QTGAL: variants seen among roughly 807,000 people sequenced by gnomAD.
QTGAL encodes the protein queuosine-tRNA galactosyltransferase.
At chr17:82,979,439 A>G in the QTGAL span, 4 of 152,248 alleles carry the variant, frequency 2.6e-5, no homozygotes, top group African/African-American at 9.6e-5. Flanking sequence ...TAGAGTCTGA[A>G]CAGTCCTGTA....
At chr17:82,970,557 C>A in the QTGAL span, among the ~76,000 whole-genome samples, 9,284 of 88,670 alleles carry the variant, frequency 0.1, 878 homozygotes, top group East Asian at 0.16. Context: ...CCCGGCGTGG[C>A]CGCGACCTCC....
At chr17:82,950,373 A>T in the QTGAL span, among the ~76,000 whole-genome samples, 1 of 152,194 alleles carries the variant, frequency 6.6e-6, no homozygotes, top group Admixed American at 6.5e-5. Flanking sequence ...GAGAATTACC[A>T]CAAGGAGACG....
At chr17:82,950,982 A>G in the QTGAL span, among the ~76,000 whole-genome samples, 331 of 152,308 alleles carry the variant, frequency 2.2e-3, 1 homozygote, top group African/African-American at 7.6e-3. Context: ...ACTGCCTTCA[A>G]CTTAACCCAT....
the QTGAL span, among the ~76,000 whole-genome samples, chr17:83,023,431 C>T: frequency 1.3e-5 from 2 of 152,284 alleles, no homozygotes; most frequent in Admixed American, 1.3e-4. Flanking sequence ...GCAGCAGATT[C>T]TATACAGCTG....
the QTGAL span, among the ~76,000 whole-genome samples, chr17:83,018,540 C>T: frequency 2.0e-5 from 3 of 151,970 alleles, no homozygotes; most frequent in Admixed American, 6.6e-5. Flanking sequence ...GCCAAGAAAA[C>T]GGAGGTTTGG....
At chr17:82,969,400 G>C in the QTGAL span, among the ~76,000 whole-genome samples, 1 of 152,204 alleles carries the variant, frequency 6.6e-6, no homozygotes, top group African/African-American at 2.4e-5. Flanking sequence ...GTAGGGACAG[G>C]GTTTCGCTAC....
the QTGAL span, among the ~76,000 whole-genome samples, chr17:83,026,979 A>G: frequency 6.7e-6 from 1 of 149,738 alleles, no homozygotes; most frequent in African/African-American, 2.5e-5. Flanking sequence ...GAGCCTGCAG[A>G]CAAACCCACC....
the QTGAL span, among the ~76,000 whole-genome samples, chr17:82,952,184 C>T: frequency 6.6e-6 from 1 of 152,316 alleles, no homozygotes; most frequent in African/African-American, 2.4e-5. Flanking sequence ...GACAGCTCAT[C>T]ACAGGCCGGG....
chr17:82,991,557 T>G, the QTGAL span, among the ~76,000 whole-genome samples: 6 of 152,308 alleles, frequency 3.9e-5, no homozygotes, highest in Admixed American at 1.3e-4. Context: ...CAAGTCCTAC[T>G]GACTACCTGG....
At chr17:82,995,788 CTAAAA>C in the QTGAL span, among the ~76,000 whole-genome samples, 1 of 152,062 alleles carries the variant, frequency 6.6e-6, no homozygotes, top group Non-Finnish European at 1.5e-5. Context: ...TAGGAATTAA[CTAAAA>C]TAAAAGAGTG....
chr17:82,973,403 C>G, the QTGAL span, among the ~76,000 whole-genome samples: 2 of 152,334 alleles, frequency 1.3e-5, no homozygotes, highest in African/African-American at 4.8e-5. Context: ...CACGGAGATA[C>G]GGAACTGATA....
chr17:82,964,354 G>A, the QTGAL span, among the ~76,000 whole-genome samples: 1 of 151,400 alleles, frequency 6.6e-6, no homozygotes, highest in African/African-American at 2.4e-5. Flanking sequence ...ATTTAATAAG[G>A]GACACTGAAG....
the QTGAL span, chr17:83,006,514 G>C: frequency 2.0e-6 from 2 of 985,456 alleles, no homozygotes; most frequent in Non-Finnish European, 2.4e-6. This position sits in a 1 kb window ranked among gnomAD's most constrained non-coding sequence, Gnocchi z 5.8. Context: ...CGCCGCACCA[G>C]GAGAGGGACA....
At chr17:82,989,698 A>T in the QTGAL span, among the ~76,000 whole-genome samples, 1,851 of 152,332 alleles carry the variant, frequency 0.012, 43 homozygotes, top group African/African-American at 0.042. Flanking sequence ...TGTGGAGTCG[A>T]ATTTGCAAAA....
At chr17:82,944,626 G>A in the QTGAL span, 1 of 152,246 alleles carries the variant, frequency 6.6e-6, no homozygotes, top group African/African-American at 2.4e-5. Context: ...GGTCCCAGAA[G>A]TGGAGCAAGC....
chr17:83,029,660 T>C, the QTGAL span, among the ~76,000 whole-genome samples: 1 of 152,332 alleles, frequency 6.6e-6, no homozygotes, highest in South Asian at 2.1e-4. Flanking sequence ...TGGCTATGTC[T>C]GCCTTTCCTC....
chr17:83,016,599 A>T, the QTGAL span, among the ~76,000 whole-genome samples: 3 of 129,636 alleles, frequency 2.3e-5, no homozygotes, highest in Non-Finnish European at 3.2e-5. Context: ...AGAAGGGGAG[A>T]GGACTGAAGA....
chr17:82,982,872 C>T, the QTGAL span, among the ~76,000 whole-genome samples: 7 of 152,006 alleles, frequency 4.6e-5, no homozygotes, highest in South Asian at 2.1e-4. Context: ...GCTGCCACAT[C>T]GTATCCACGT....
At chr17:83,026,173 G>A in the QTGAL span, among the ~76,000 whole-genome samples, 1 of 152,210 alleles carries the variant, frequency 6.6e-6, no homozygotes, top group Admixed American at 6.5e-5. Flanking sequence ...TGCTCAGCCA[G>A]CAAAAGTGAA....
Sources: allele counts gnomAD v4.1 joint callset (sites outside exome capture counted in the v4.1 genomes callset), GRCh38; gene constraint gnomAD v4.1.1; non-coding constraint Gnocchi (gnomAD v3.1); transcripts MANE v1.5; gene names NCBI Gene and HGNC (gene_info 2026-07-23, HGNC 2026-07-21).